Variants in PARD3B observed in about 807,000 individuals in gnomAD.
PARD3B encodes partitioning defective 3 homolog B.
PARD3B carries 103 observed loss-of-function variants against 130.2 expected under a neutral mutation model. That is an observed-to-expected ratio of 0.79 (90% confidence interval 0.67 to 0.93). The LOEUF (loss-of-function observed/expected upper bound fraction) is 0.93, where lower values mean the gene tolerates loss of function less well. PARD3B is among the 40% of genes least tolerant of loss of function. PARD3B has a pLI of 0.00. For missense variants in PARD3B, 1,609 were observed against 1,499.2 expected, an observed-to-expected ratio of 1.07 and a Z score of -1.21; for synonymous variants, 583 against 553.2, an observed-to-expected ratio of 1.05 and a Z score of -0.76.
intron 2 of PARD3B, among the ~76,000 whole-genome samples, chr2:204,791,779 C>T (rs780828330): frequency 4.6e-5 from 7 of 152,172 alleles, no homozygotes; most frequent in Non-Finnish European, 1.0e-4. Context: ...ACCTTGTCTA[C>T]ATACCTATTA....
At chr2:204,964,899 C>A (rs779853306) in intron 2 of PARD3B, among the ~76,000 whole-genome samples, 2 of 151,572 alleles carry the variant, frequency 1.3e-5, no homozygotes, top group Non-Finnish European at 2.9e-5. Context: ...AGAGAGTGGG[C>A]CAAAATTGGT....
At chr2:205,314,299 T>G (rs2042488331) in intron 18 of PARD3B, among the ~76,000 whole-genome samples, 1 of 152,156 alleles carries the variant, frequency 6.6e-6, no homozygotes, top group African/African-American at 2.4e-5. Context: ...CACTGAGAAG[T>G]GAAGCAGCCT....
intron 2 of PARD3B, among the ~76,000 whole-genome samples, chr2:204,859,537 TA>T (rs1461279315): frequency 6.6e-6 from 1 of 152,250 alleles, no homozygotes; most frequent in Non-Finnish European, 1.5e-5. Flanking sequence ...TTAAAATATG[TA>T]CATTTTCTGA....
At chr2:205,028,202 G>A (rs902107788) in intron 3 of PARD3B, among the ~76,000 whole-genome samples, 2 of 151,988 alleles carry the variant, frequency 1.3e-5, no homozygotes, top group Admixed American at 6.6e-5. Context: ...ATCCATGAAC[G>A]TGAGATCTCT....
intron 10 of PARD3B, among the ~76,000 whole-genome samples, chr2:205,133,567 G>T (rs1042260205): frequency 6.6e-6 from 1 of 152,160 alleles, no homozygotes; most frequent in Non-Finnish European, 1.5e-5. Flanking sequence ...GAAGCCTGTA[G>T]GATAACTTAG....
rs916003133 is a variant in PARD3B, at chr2:205,375,969, A to C, written c.2631-25044A>C. Among the ~76,000 whole-genome samples, 4 of 152,186 alleles carry C rather than the reference A, an allele frequency of 2.6e-5. No individual in the cohort carries two copies. In the East Asian group the frequency reaches 7.7e-4, roughly 29 times the overall value. ...GCTCAGCTACAACAAATTGACAAGA[A>C]TAGGATCCAAAAATGGACACAGGGG... On this transcript the variant is annotated intron_variant, in intron 18 of 22. Coordinates refer to ENST00000406610, the MANE Select transcript of PARD3B (RefSeq NM_001302769.2).
chr2:204,717,142 G>A (rs1041276352), intron 2 of PARD3B, among the ~76,000 whole-genome samples: 1 of 152,148 alleles, frequency 6.6e-6, no homozygotes, highest in South Asian at 2.1e-4. Context: ...GCTAAATAAA[G>A]TGATCTAAGA....
At chr2:205,034,805 A>G (rs1261660615) in intron 3 of PARD3B, among the ~76,000 whole-genome samples, 1 of 151,898 alleles carries the variant, frequency 6.6e-6, no homozygotes, top group Non-Finnish European at 1.5e-5. Flanking sequence ...ACATGAAAAT[A>G]TCTCGATATT....
Position 205,300,847 on chromosome 2 carries a change from T to C in PARD3B, c.2392+111T>C, listed in dbSNP as rs1474796397. ...AAAAATGATTTAAGGATCACAATTA[T>C]ATTTTTGATATTAAAAGTAATTCAT... On this transcript the variant is annotated intron_variant, in intron 17 of 22. Coordinates refer to ENST00000406610, the MANE Select transcript of PARD3B (RefSeq NM_001302769.2). The surrounding 1 kb of genome is among the most constrained non-coding windows in gnomAD (Gnocchi z 4.1). 1.1e-5 allele frequency: 12 copies of C among 1,123,184 alleles called. 1 individual carries two copies. The highest frequency in any genetic ancestry group is 7.9e-5 in the African/African-American group (5 of 63,316). The allele number at this position is 1,123,184 out of a possible 1,614,324, so 69.6% of individuals were successfully genotyped here.
chr2:204,732,680 C>T (rs2039570375), intron 2 of PARD3B, among the ~76,000 whole-genome samples: 2 of 151,950 alleles, frequency 1.3e-5, no homozygotes, highest in Admixed American at 1.3e-4. Context: ...GAGACTGTAC[C>T]AGATTTAAGC....
intron 4 of PARD3B, among the ~76,000 whole-genome samples, chr2:205,049,472 T>C (rs893762951): frequency 2.3e-4 from 35 of 152,130 alleles, no homozygotes; most frequent in Non-Finnish European, 4.6e-4. Flanking sequence ...TCCCCCAACA[T>C]GTGGGGATTA....
intron 4 of PARD3B, among the ~76,000 whole-genome samples, chr2:205,057,656 C>CT (rs1699795761): frequency 1.9e-5 from 2 of 105,902 alleles, no homozygotes; most frequent in African/African-American, 3.4e-5. Flanking sequence ...TATGTGTATA[C>CT]GTACATATAC....
intron 2 of PARD3B, among the ~76,000 whole-genome samples, chr2:204,752,746 A>AT (rs2040513917): frequency 6.6e-6 from 1 of 152,258 alleles, no homozygotes; most frequent in East Asian, 1.9e-4. Flanking sequence ...TATAATTTAT[A>AT]TTAAATGGCC....
intron 1 of PARD3B, among the ~76,000 whole-genome samples, chr2:204,640,090 C>G (rs2035021087): frequency 6.6e-6 from 1 of 152,032 alleles, no homozygotes; most frequent in East Asian, 1.9e-4. Context: ...CTCATCTCTA[C>G]AAATAATTAA....
At chr2:204,748,490 G>T (rs149387663) in intron 2 of PARD3B, among the ~76,000 whole-genome samples, 1 of 152,108 alleles carries the variant, frequency 6.6e-6, no homozygotes, top group Non-Finnish European at 1.5e-5. Context: ...GATGAGAAAC[G>T]ATTGTGGAAT....
intron 1 of PARD3B, among the ~76,000 whole-genome samples, chr2:204,631,342 C>T (rs985755581): frequency 2.0e-5 from 3 of 151,704 alleles, no homozygotes; most frequent in Non-Finnish European, 2.9e-5. Context: ...CTCTGCCTCT[C>T]GGGTTCAAGC....
chr2:205,560,498 T>G (rs1355259239), intron 22 of PARD3B, among the ~76,000 whole-genome samples: 11 of 151,868 alleles, frequency 7.2e-5, no homozygotes, highest in Non-Finnish European at 1.5e-4. Context: ...CTCCTGAGAG[T>G]TGAAAAAACA....
rs1329220087 is a variant in PARD3B, at chr2:205,572,020, G to C, written c.3260+18617G>C. ...GTGAGCATGGGAAATTGGAGCAGTC[G>C]AGCTGTGGAGTTATTTTGTTTATTG... On this transcript the variant is annotated intron_variant, in intron 22 of 22. Coordinates refer to ENST00000406610, the MANE Select transcript of PARD3B (RefSeq NM_001302769.2). This position sits in a 1 kb window ranked among gnomAD's most constrained non-coding sequence, Gnocchi z 4.2. Among the ~76,000 whole-genome samples, 5 of 152,182 alleles carry C rather than the reference G, an allele frequency of 3.3e-5. No individual in the cohort carries two copies. Among genetic ancestry groups the C allele is most frequent in the Admixed American group, 6.5e-5 (1 of 15,282 alleles).
intron 20 of PARD3B, among the ~76,000 whole-genome samples, chr2:205,441,780 T>C (rs2047724440): frequency 6.6e-6 from 1 of 152,206 alleles, no homozygotes. Context: ...TGATTACCTT[T>C]CAGAGCCTTT....
Sources: allele counts gnomAD v4.1 joint callset (sites outside exome capture counted in the v4.1 genomes callset), GRCh38; gene constraint gnomAD v4.1.1; non-coding constraint Gnocchi (gnomAD v3.1); transcripts MANE v1.5; gene names NCBI Gene and HGNC (gene_info 2026-07-23, HGNC 2026-07-21).